CAST: variants seen among roughly 807,000 people sequenced by gnomAD.
The protein encoded by CAST is calpastatin.
In CAST, 76 loss-of-function variants were observed where a neutral mutation model predicts 119.6. The ratio of observed to expected loss-of-function variants is 0.64; its 90% CI spans 0.53 to 0.77. The LOEUF (loss-of-function observed/expected upper bound fraction) is 0.77, where lower values mean the gene tolerates loss of function less well. CAST is among the 30% of genes least tolerant of loss of function. The pLI is 0.00. For synonymous variants in CAST, 319 were observed against 331.6 expected, an observed-to-expected ratio of 0.96 and a Z score of 0.41; for missense variants, 953 against 946.5, an observed-to-expected ratio of 1.01 and a Z score of -0.09.
the CAST span, among the ~76,000 whole-genome samples, chr5:96,266,978 CTT>C: frequency 2.0e-5 from 3 of 152,114 alleles, no homozygotes; most frequent in African/African-American, 7.2e-5. Context: ...ATTGAAATAA[CTT>C]TTAAAAATCA....
At chr5:96,432,799 C>A in the CAST span, 1 of 1,411,686 alleles carries the variant, frequency 7.1e-7, no homozygotes, top group Non-Finnish European at 1.0e-6. Flanking sequence ...ACTTGGAAGA[C>A]CGCGCTCCAG....
chr5:96,308,842 G>A, the CAST span: 6 of 152,646 alleles, frequency 3.9e-5, no homozygotes, highest in African/African-American at 1.4e-4. Flanking sequence ...TTGTCCCAGA[G>A]GGGCACTCAC....
At chr5:96,097,114 CTTTCCAAAGAAATGA>C in the CAST span, among the ~76,000 whole-genome samples, 476 of 152,236 alleles carry the variant, frequency 3.1e-3, 1 homozygote, top group Non-Finnish European at 4.9e-3. Context: ...ATAATTGAGC[CTTTCCAAAGAAATGA>C]TTTCCAAAGA....
chr5:96,571,766 C>T (rs2150187238), intron 1 of CAST, among the ~76,000 whole-genome samples: 1 of 152,290 alleles, frequency 6.6e-6, no homozygotes, highest in South Asian at 2.1e-4. Context: ...GTTTTACTTT[C>T]CTTTGTAGCT....
At chr5:96,646,732 T>C (rs1054989642) in intron 1 of CAST, among the ~76,000 whole-genome samples, 1 of 152,224 alleles carries the variant, frequency 6.6e-6, no homozygotes, top group African/African-American at 2.4e-5. Flanking sequence ...ATTCAACTTA[T>C]TTGTTTTAAA....
At chr5:96,483,216 A>G in the CAST span, among the ~76,000 whole-genome samples, 1 of 152,172 alleles carries the variant, frequency 6.6e-6, no homozygotes, top group Non-Finnish European at 1.5e-5. Flanking sequence ...GGCAAAGGCT[A>G]TGAGAAACTG....
chr5:96,235,191 C>T, the CAST span, among the ~76,000 whole-genome samples: 1 of 152,236 alleles, frequency 6.6e-6, no homozygotes, highest in South Asian at 2.1e-4. Context: ...AGGAGTTTGC[C>T]TTGGGATCAT....
chr5:96,033,334 A>G, the CAST span, among the ~76,000 whole-genome samples: 1 of 152,158 alleles, frequency 6.6e-6, no homozygotes, highest in Non-Finnish European at 1.5e-5. Flanking sequence ...AAAATTCTGA[A>G]TAGCCAAAGA....
chr5:96,372,221 T>C, the CAST span, among the ~76,000 whole-genome samples: 4 of 152,354 alleles, frequency 2.6e-5, no homozygotes, highest in Admixed American at 2.0e-4. Context: ...ATCAGGTGGC[T>C]CCTTCAGTGT....
the CAST span, among the ~76,000 whole-genome samples, chr5:96,131,915 C>G: frequency 6.6e-6 from 1 of 152,120 alleles, no homozygotes; most frequent in Non-Finnish European, 1.5e-5. Context: ...GAAACCAGTT[C>G]AATCAGCAAG....
the CAST span, among the ~76,000 whole-genome samples, chr5:96,044,556 C>T: frequency 1.3e-5 from 2 of 152,104 alleles, no homozygotes; most frequent in Non-Finnish European, 2.9e-5. Context: ...CTAAGATAAG[C>T]AGGATCTAGT....
intron 9 of CAST, 31 bp from the exon 10 acceptor site, chr5:96,736,141 G>A (rs755884253): frequency 1.4e-6 from 2 of 1,394,128 alleles, no homozygotes; most frequent in Admixed American, 3.5e-5. Flanking sequence ...TAAGGTATGT[G>A]AGGAGTTGTT....
the CAST span, among the ~76,000 whole-genome samples, chr5:96,033,554 C>T: frequency 3.9e-5 from 6 of 151,984 alleles, no homozygotes; most frequent in African/African-American, 1.4e-4. Flanking sequence ...AGGGAAAGGG[C>T]AATCTCTTCA....
chr5:96,641,375 T>C (rs155052), intron 1 of CAST, among the ~76,000 whole-genome samples: 40,725 of 151,982 alleles, frequency 0.27, 5,609 homozygotes, highest in Admixed American at 0.29. Flanking sequence ...ATCTTCTGGT[T>C]CCTTGTTAAT....
intron 1 of CAST, among the ~76,000 whole-genome samples, chr5:96,630,439 C>T (rs1292802799): frequency 1.3e-5 from 2 of 152,238 alleles, no homozygotes; most frequent in Middle Eastern, 3.4e-3. Context: ...CTGAGCTAAG[C>T]ATTAAAATAC....
At chr5:96,108,837 G>C in the CAST span, among the ~76,000 whole-genome samples, 2 of 152,234 alleles carry the variant, frequency 1.3e-5, no homozygotes, top group African/African-American at 2.4e-5. Flanking sequence ...CTGCCACCTT[G>C]CAGTTGGATC....
the CAST span, among the ~76,000 whole-genome samples, chr5:96,217,691 A>G: frequency 1.3e-5 from 2 of 152,228 alleles, no homozygotes; most frequent in African/African-American, 4.8e-5. Context: ...AGTGTCAGAA[A>G]TATAATGCTG....
chr5:96,107,855 G>A, the CAST span, among the ~76,000 whole-genome samples: 3 of 152,104 alleles, frequency 2.0e-5, no homozygotes, highest in Non-Finnish European at 4.4e-5. Flanking sequence ...TCACTTTCAG[G>A]TACACCAATC....
At chr5:96,769,779 G>A (rs1187621330) in intron 29 of CAST, 1 of 149,952 alleles carries the variant, frequency 6.7e-6, no homozygotes, top group Non-Finnish European at 1.5e-5. Context: ...TATTCTCTGT[G>A]TTTTTGAGCT....
Sources: allele counts gnomAD v4.1 joint callset (sites outside exome capture counted in the v4.1 genomes callset), GRCh38; gene constraint gnomAD v4.1.1; transcripts MANE v1.5; gene names NCBI Gene and HGNC (gene_info 2026-07-23, HGNC 2026-07-21).